MRPL37: variants seen among roughly 807,000 people sequenced by gnomAD.
MRPL37 encodes the protein mitochondrial ribosomal protein L37.
In MRPL37, 34 loss-of-function variants were observed where a neutral mutation model predicts 44.1. The observed-to-expected ratio is 0.77, with a 90% CI of 0.59 to 1.03. MRPL37 has a LOEUF of 1.03. Ranked by LOEUF, MRPL37 falls within the 50% of genes least tolerant of loss-of-function variation. The pLI, the probability that MRPL37 is intolerant of heterozygous loss-of-function variation, is 0.00. For synonymous variants in MRPL37, 212 were observed against 219.5 expected (o/e 0.97, Z 0.30); for missense variants, 532 against 543.7 (o/e 0.98, Z 0.21).
downstream of MRPL37, among the ~76,000 whole-genome samples, chr1:54,219,792 C>A (rs1158711242): frequency 3.3e-5 from 5 of 152,230 alleles, no homozygotes; most frequent in African/African-American, 1.2e-4. Context: ...CACATATATA[C>A]ATGACTGAAG....
downstream of MRPL37, among the ~76,000 whole-genome samples, chr1:54,224,250 CTG>C (rs1360497010): frequency 6.6e-6 from 1 of 152,198 alleles, no homozygotes; most frequent in Non-Finnish European, 1.5e-5. Flanking sequence ...TCAAAGGTGT[CTG>C]TACTCAGCAA....
intron 5 of MRPL37, among the ~76,000 whole-genome samples, chr1:54,214,805 T>C (rs1006197898): frequency 8.5e-5 from 13 of 152,204 alleles, no homozygotes; most frequent in Non-Finnish European, 1.0e-4. Context: ...CTGAGAAATT[T>C]ATGTACTACC....
intron 3 of MRPL37, among the ~76,000 whole-genome samples, chr1:54,209,550 C>G (rs1237812280): frequency 6.6e-6 from 1 of 151,770 alleles, no homozygotes; most frequent in African/African-American, 2.4e-5. Context: ...AGCTCCGCCT[C>G]CCAGGTTCAT....
intron 3 of MRPL37, among the ~76,000 whole-genome samples, chr1:54,209,615 A>G (rs948467321): frequency 6.6e-6 from 1 of 151,974 alleles, no homozygotes; most frequent in African/African-American, 2.4e-5. Context: ...GCCAGCCACC[A>G]TGCCCGGCTA....
chr1:54,219,896 G>C (rs368936030), downstream of MRPL37, among the ~76,000 whole-genome samples: 1 of 152,130 alleles, frequency 6.6e-6, no homozygotes, highest in Non-Finnish European at 1.5e-5. Context: ...GGATCTCTTC[G>C]TTCTTTTGAG....
chr1:54,212,216 T>C (rs1033536698), intron 4 of MRPL37, among the ~76,000 whole-genome samples: 4 of 152,150 alleles, frequency 2.6e-5, no homozygotes, highest in Non-Finnish European at 5.9e-5. Flanking sequence ...ATATTTTAGG[T>C]GTTACAGGCC....
chr1:54,204,395 C>CAA (rs879671756), intron 1 of MRPL37, among the ~76,000 whole-genome samples: 4 of 132,924 alleles, frequency 3.0e-5, no homozygotes, highest in African/African-American at 8.3e-5. Context: ...GACTTTGTCT[C>CAA]AAAAAAAAAA....
chr1:54,219,953 G>T (rs1644221863), downstream of MRPL37, among the ~76,000 whole-genome samples: 1 of 152,116 alleles, frequency 6.6e-6, no homozygotes, highest in Non-Finnish European at 1.5e-5. Flanking sequence ...GTTTCCAGTT[G>T]TTATTAGAAA....
Position 54,216,246 on chromosome 1 carries a change from T to TC in MRPL37, c.1096_1097insC (p.Cys366SerfsTer2), listed in dbSNP as rs746572619. ...TCAACTGAATACCACAGACCTGGAC[T>TC]GTAACGAGGGTGTCAAGAATTTGGC... On this transcript the variant is annotated frameshift_variant, in exon 6 of 7. Coordinates refer to ENST00000360840, the MANE Select transcript of MRPL37 (RefSeq NM_016491.4). LOFTEE classifies it high-confidence loss of function. The TC allele has an allele frequency of 1.5e-5, 24 of 1,614,112 alleles. No individual in the cohort carries two copies. Among genetic ancestry groups the TC allele is most frequent in the Non-Finnish European group, 1.9e-5 (23 of 1,180,052 alleles).
intron 3 of MRPL37, among the ~76,000 whole-genome samples, chr1:54,208,125 T>C (rs1041536068): frequency 1.3e-5 from 2 of 152,198 alleles, no homozygotes; most frequent in African/African-American, 4.8e-5. Context: ...TGTTTTCCTC[T>C]TGTCACCTAC....
chr1:54,202,660 C>T (rs1181211757), intron 1 of MRPL37, among the ~76,000 whole-genome samples: 1 of 152,194 alleles, frequency 6.6e-6, no homozygotes, highest in African/African-American at 2.4e-5. Flanking sequence ...GCTGTCATGC[C>T]TGGCTAATTT....
chr1:54,206,617 C>A (rs535348264), intron 3 of MRPL37, among the ~76,000 whole-genome samples: 4 of 152,246 alleles, frequency 2.6e-5, no homozygotes, highest in Non-Finnish European at 5.9e-5. Flanking sequence ...ACCATGTTGG[C>A]CAGGCTGGTC....
intron 4 of MRPL37, among the ~76,000 whole-genome samples, chr1:54,210,530 G>A (rs956870358): frequency 1.1e-4 from 16 of 151,856 alleles, no homozygotes; most frequent in Non-Finnish European, 1.2e-4. Context: ...GTAAACTCTG[G>A]CCAACCCCCT....
intron 1 of MRPL37, among the ~76,000 whole-genome samples, chr1:54,204,372 G>C (rs935491609): frequency 6.6e-6 from 1 of 151,824 alleles, no homozygotes; most frequent in Admixed American, 6.6e-5. Context: ...AGTCAGCCTG[G>C]GCGACAGAGC....
chr1:54,214,044 G>T (rs1048913314), intron 5 of MRPL37, among the ~76,000 whole-genome samples: 4 of 152,240 alleles, frequency 2.6e-5, no homozygotes, highest in African/African-American at 7.2e-5. Flanking sequence ...TTAGCTGGGT[G>T]TGGTGGCATG....
At position 54,212,567 on chromosome 1, in the gene MRPL37, G is replaced by A. The variant is rs146947397; in HGVS notation, c.899G>A (p.Arg300Gln). 20 of 1,613,964 alleles carry A rather than the reference G, an allele frequency of 1.2e-5. No homozygotes were observed. The highest frequency in any genetic ancestry group is 9.3e-5 in the African/African-American group (7 of 74,886). Residue 300 changes from arginine to glutamine, a missense_variant, in exon 5 of 7, where the codon CGA becomes CAA. By Grantham distance (43) the Arg-to-Gln change is conservative. Transcript: ENST00000360840. ...TLYLLDKANL[R>Q]PHRLQPDQLR... ...TACTTACTGGACAAAGCCAATTTAC[G>A]ACCACACCGCCTTCAACCAGATCAG...
chr1:54,207,182 C>G (rs543270274), intron 3 of MRPL37, among the ~76,000 whole-genome samples: 1 of 152,208 alleles, frequency 6.6e-6, no homozygotes, highest in Non-Finnish European at 1.5e-5. Context: ...CATCATAGCA[C>G]AGATTACACT....
downstream of MRPL37, among the ~76,000 whole-genome samples, chr1:54,224,174 C>A (rs1450862845): frequency 6.8e-6 from 1 of 147,930 alleles, no homozygotes; most frequent in Non-Finnish European, 1.5e-5. Context: ...GGGTCAGCAC[C>A]ATTGATACAG....
At position 54,210,119 on chromosome 1, in the gene MRPL37, A is replaced by G. The variant is rs1236112186; in HGVS notation, c.820A>G (p.Lys274Glu). ...DLHECNIYDVKNDTGFQEGYP... is the reference protein window; with the variant it reads ...DLHECNIYDVENDTGFQEGYP... ...TCATGAATGCAATATTTATGATGTG[A>G]AAAATGACACAGGTAAGGATCAATG... Residue 274 changes from lysine (K) to glutamate (E), a missense_variant, in exon 4 of 7, where the codon AAA becomes GAA. Lys to Glu is a moderately conservative substitution (Grantham distance 56, BLOSUM62 1). Transcript: ENST00000360840. 6.2e-7 allele frequency: 1 copy of G among 1,613,458 alleles called. No individual in the cohort carries two copies. Among genetic ancestry groups the G allele is most frequent in the East Asian group, 2.2e-5 (1 of 44,886 alleles).
Sources: gnomAD v4.1 joint callset for allele counts (sites outside exome capture counted in the v4.1 genomes callset) on GRCh38, gnomAD v4.1.1 for gene constraint, MANE v1.5 for transcripts, NCBI Gene and HGNC (gene_info 2026-07-23, HGNC 2026-07-21) for gene names.